The following NEBL variants were observed in gnomAD, a reference collection of about 807,000 sequenced individuals.
NEBL encodes the protein nebulette.
NEBL carries 122 observed loss-of-function variants against 140.2 expected under a neutral mutation model. The observed-to-expected ratio is 0.87, with a 90% CI of 0.75 to 1.01. The LOEUF (loss-of-function observed/expected upper bound fraction) is 1.01. NEBL is among the 50% of genes least tolerant of loss of function. The pLI is 0.00. For synonymous variants in NEBL, 436 were observed against 398.9 expected, an observed-to-expected ratio of 1.09 and a Z score of -1.11; for missense variants, 1,365 against 1,231.3, an observed-to-expected ratio of 1.11 and a Z score of -1.62.
At chr10:20,991,047 G>A (rs1837436725) in intron 3 of NEBL, among the ~76,000 whole-genome samples, 1 of 152,148 alleles carries the variant, frequency 6.6e-6, no homozygotes, top group African/African-American at 2.4e-5. Flanking sequence ...ACATTTGACA[G>A]CTTTTCTCTA....
intron 2 of NEBL, among the ~76,000 whole-genome samples, chr10:21,148,611 C>T (rs1589285391): frequency 6.6e-6 from 1 of 152,112 alleles, no homozygotes; most frequent in African/African-American, 2.4e-5. Context: ...CTGCAACTTC[C>T]ACCTCCTGCG....
At chr10:21,119,476 GTTATAT>G (rs1250791323) in intron 2 of NEBL, among the ~76,000 whole-genome samples, 7 of 146,646 alleles carry the variant, frequency 4.8e-5, no homozygotes, top group African/African-American at 1.8e-4. Context: ...AACATATATA[GTTATAT>G]TAATATACTG....
At chr10:21,187,914 T>C (rs941502588) in intron 3 of NEBL, among the ~76,000 whole-genome samples, 3 of 152,204 alleles carry the variant, frequency 2.0e-5, no homozygotes, top group Admixed American at 6.5e-5. Context: ...CCCATCTTCA[T>C]TGTGAGAGAC....
At chr10:21,099,200 A>T (rs1441278172) in intron 2 of NEBL, among the ~76,000 whole-genome samples, 1 of 152,224 alleles carries the variant, frequency 6.6e-6, no homozygotes, top group African/African-American at 2.4e-5. Flanking sequence ...ATCATTTTTT[A>T]AAATGACATG....
intron 2 of NEBL, among the ~76,000 whole-genome samples, chr10:21,042,779 G>A (rs942474606): frequency 2.6e-5 from 4 of 152,184 alleles, no homozygotes; most frequent in African/African-American, 9.7e-5. Context: ...CAGACCACAA[G>A]CTCTTAATGC....
intron 2 of NEBL, among the ~76,000 whole-genome samples, chr10:21,061,269 A>G (rs10828180): frequency 0.43 from 44,587 of 104,256 alleles, 11,593 homozygotes; most frequent in Non-Finnish European, 0.58. Context: ...TATGTAACAT[A>G]TTACATATTA....
At chr10:21,035,741 A>AT (rs1833989850) in intron 2 of NEBL, among the ~76,000 whole-genome samples, 1 of 151,248 alleles carries the variant, frequency 6.6e-6, no homozygotes, top group South Asian at 2.1e-4. Flanking sequence ...TACCTTCAAA[A>AT]TCATACACAT....
chr10:21,072,431 G>T (rs1478631090), intron 2 of NEBL, among the ~76,000 whole-genome samples: 1 of 152,156 alleles, frequency 6.6e-6, no homozygotes, highest in East Asian at 1.9e-4. Flanking sequence ...TGTCTGTTGG[G>T]TCCCCTATTC....
At chr10:21,261,605 C>G (rs1053252608) in intron 1 of NEBL, among the ~76,000 whole-genome samples, 3 of 151,500 alleles carry the variant, frequency 2.0e-5, no homozygotes, top group African/African-American at 4.9e-5. Flanking sequence ...CATGACCACA[C>G]CATTGCACAC....
chr10:21,136,740 C>T (rs1311267527), intron 2 of NEBL, among the ~76,000 whole-genome samples: 1 of 152,224 alleles, frequency 6.6e-6, no homozygotes. Flanking sequence ...ACCACCTCCA[C>T]TTTCTCCTTC....
chr10:21,154,760 T>C (rs1203888663), intron 2 of NEBL, among the ~76,000 whole-genome samples: 1 of 152,164 alleles, frequency 6.6e-6, no homozygotes, highest in African/African-American at 2.4e-5. Context: ...TTACACAAAA[T>C]CTAAAATAAT....
intron 2 of NEBL, among the ~76,000 whole-genome samples, chr10:21,114,915 T>C (rs866365793): frequency 2.0e-5 from 3 of 151,996 alleles, no homozygotes; most frequent in Non-Finnish European, 4.4e-5. Flanking sequence ...ATTAAAATGA[T>C]TGAGTTTAAA....
intron 2 of NEBL, among the ~76,000 whole-genome samples, chr10:21,160,939 G>C (rs1286075939): frequency 2.6e-5 from 4 of 151,248 alleles, no homozygotes; most frequent in Non-Finnish European, 5.9e-5. Context: ...TCACTCCTAG[G>C]ACTTTGAAAA....
At chr10:20,943,191 A>C (rs886307142) in intron 4 of NEBL, among the ~76,000 whole-genome samples, 39 of 152,252 alleles carry the variant, frequency 2.6e-4, no homozygotes, top group African/African-American at 9.4e-4. Flanking sequence ...AACCAAGCCA[A>C]ATGTCCAACA....
chr10:21,274,426 T>C (rs1564553885), intron 1 of NEBL, among the ~76,000 whole-genome samples: 1 of 152,166 alleles, frequency 6.6e-6, no homozygotes, highest in East Asian at 1.9e-4. Flanking sequence ...AGTTAGTTAG[T>C]ATTATTTATC....
At chr10:21,069,028 A>G (rs1835696677) in intron 2 of NEBL, among the ~76,000 whole-genome samples, 1 of 152,150 alleles carries the variant, frequency 6.6e-6, no homozygotes, top group South Asian at 2.1e-4. Context: ...AGCTGGGACT[A>G]CAGGCACATG....
intron 2 of NEBL, among the ~76,000 whole-genome samples, chr10:21,112,397 A>C (rs1196743843): frequency 6.6e-6 from 1 of 152,176 alleles, no homozygotes; most frequent in African/African-American, 2.4e-5. Flanking sequence ...GCACCATGGA[A>C]TACTATACAA....
intron 2 of NEBL, chr10:21,029,853 G>C: frequency 1.5e-6 from 1 of 682,382 alleles, no homozygotes; most frequent in Admixed American, 2.1e-5. Flanking sequence ...TTTGGCAGTG[G>C]GTACCCAGGG....
At chr10:20,936,495 CT>C (rs1834494038) in intron 4 of NEBL, among the ~76,000 whole-genome samples, 1 of 152,212 alleles carries the variant, frequency 6.6e-6, no homozygotes, top group Non-Finnish European at 1.5e-5. Context: ...TGGCCCATGT[CT>C]TTTCTGTCCT....
Sources: allele counts gnomAD v4.1 joint callset (sites outside exome capture counted in the v4.1 genomes callset), GRCh38; gene constraint gnomAD v4.1.1; transcripts MANE v1.5; gene names NCBI Gene and HGNC (gene_info 2026-07-23, HGNC 2026-07-21).